SLC38A9: variants seen among roughly 807,000 people sequenced by gnomAD.
SLC38A9 encodes the protein neutral amino acid transporter 9.
A neutral mutation model predicts 62.3 loss-of-function variants in SLC38A9; 48 were observed. The ratio of observed to expected loss-of-function variants is 0.77; its 90% CI spans 0.61 to 0.98. The LOEUF (loss-of-function observed/expected upper bound fraction) is 0.98. SLC38A9 is among the 50% of genes least tolerant of loss of function. SLC38A9 has a pLI of 0.00. For synonymous variants in SLC38A9, 204 were observed against 227.7 expected (o/e 0.90, Z 0.94); for missense variants, 541 against 679.8 (o/e 0.80, Z 2.27).
chr5:55,681,075 A>G (rs1462047256), intron 3 of SLC38A9, among the ~76,000 whole-genome samples: 1 of 152,240 alleles, frequency 6.6e-6, no homozygotes, highest in African/African-American at 2.4e-5. Flanking sequence ...AAGAACTGTC[A>G]CACATTGCTA....
intron 2 of SLC38A9, among the ~76,000 whole-genome samples, chr5:55,710,787 G>C (rs555379710): frequency 1.5e-4 from 23 of 150,830 alleles, no homozygotes; most frequent in African/African-American, 4.6e-4. Flanking sequence ...GGCTAATTTT[G>C]GTATTTTTTT....
At chr5:55,647,200 A>G (rs1489648878) in intron 11 of SLC38A9, among the ~76,000 whole-genome samples, 7 of 141,390 alleles carry the variant, frequency 5.0e-5, no homozygotes, top group Non-Finnish European at 9.3e-5. Flanking sequence ...TTTTTTTGCA[A>G]TTTATTTTAA....
chr5:55,633,617 ACACCAATGATCTATCTTTAGT>A, intron 14 of SLC38A9, 116 bp downstream of exon 14: 5 of 1,155,802 alleles, frequency 4.3e-6, no homozygotes, highest in Non-Finnish European at 6.0e-6. Context: ...AGGGAAGAGG[ACACCAATGATCTATCTTTAGT>A]CACCACTTGC....
At position 55,655,011 on chromosome 5, in the gene SLC38A9, A is replaced by T. The variant is rs994959030; in HGVS notation, c.757+1704T>A. Reference sequence around the variant, plus strand: ...CGCCACTATGGCCAGCTAATTAAAAATTTTTTTTTGTAGAGACAGGGTCTT... The same window carrying T: ...CGCCACTATGGCCAGCTAATTAAAATTTTTTTTTTGTAGAGACAGGGTCTT... On this transcript the variant is annotated intron_variant, in intron 9 of 15. Coordinates refer to ENST00000396865, the MANE Select transcript of SLC38A9 (RefSeq NM_173514.4). Among the ~76,000 whole-genome samples the T allele has an allele frequency of 3.9e-5, 6 of 152,114 alleles. No homozygotes were observed. The East Asian group carries it at 7.7e-4, about 20-fold the overall frequency.
intron 2 of SLC38A9, among the ~76,000 whole-genome samples, chr5:55,699,210 G>A (rs1561441538): frequency 6.6e-6 from 1 of 152,176 alleles, no homozygotes; most frequent in African/African-American, 2.4e-5. Flanking sequence ...AGCCAAGATC[G>A]TGCCACTGCA....
Position 55,656,722 on chromosome 5 carries a change from G to A in SLC38A9, c.750C>T (p.Ser250=), listed in dbSNP as rs763824235. ...DTDTILSTNN[S]NPVICPSAGS... The stretch of plus-strand genomic sequence containing the variant: ...ACATCCCAAACTACTTACCAGGGTT[G>A]CTATTATTGGTACTCAGTATAGTGT... Residue 250 remains serine (S), a synonymous_variant, in exon 9 of 16, where the codon AGC becomes AGT. Coordinates refer to ENST00000396865, the MANE Select transcript of SLC38A9 (RefSeq NM_173514.4). 3.4e-5 allele frequency: 55 copies of A among 1,597,096 alleles called. No individual in the cohort carries two copies. In the South Asian group the frequency reaches 5.7e-4, roughly 16 times the overall value.
intron 3 of SLC38A9, among the ~76,000 whole-genome samples, chr5:55,685,189 T>C (rs375921622): frequency 2.6e-5 from 4 of 152,230 alleles, no homozygotes; most frequent in African/African-American, 7.2e-5. Context: ...AATTCACAGA[T>C]TGATGACTGT....
At chr5:55,681,539 C>T (rs991062331) in intron 3 of SLC38A9, among the ~76,000 whole-genome samples, 10 of 152,164 alleles carry the variant, frequency 6.6e-5, no homozygotes, top group African/African-American at 2.4e-4. Flanking sequence ...CAAAGGACTG[C>T]AGGTTTGCTT....
At position 55,669,508 on chromosome 5, in the gene SLC38A9, T is replaced by C. The variant is rs202124897; in HGVS notation, c.432+49A>G. On this transcript the variant is annotated intron_variant, in intron 6 of 15. Coordinates refer to ENST00000396865, the MANE Select transcript of SLC38A9 (RefSeq NM_173514.4). ...AACCTCTGTTATAAAACTTACAATA[T>C]AAAGAGAAAAACATTTAGGCAAAAA... The C allele has an allele frequency of 8.0e-6, 12 of 1,504,388 alleles. No homozygotes were observed. The African/African-American group carries it at 1.5e-4, about 19-fold the overall frequency. The allele number at this position is 1,504,388 out of a possible 1,614,324, so 93.2% of individuals were successfully genotyped here.
chr5:55,643,860 T>C (rs1164032996), intron 12 of SLC38A9, among the ~76,000 whole-genome samples: 1 of 152,258 alleles, frequency 6.6e-6, no homozygotes, highest in South Asian at 2.1e-4. Flanking sequence ...AGCTTTCTTA[T>C]GTTTAATATT....
intron 2 of SLC38A9, among the ~76,000 whole-genome samples, chr5:55,711,168 C>T (rs1241865833): frequency 1.3e-5 from 2 of 151,642 alleles, no homozygotes; most frequent in Non-Finnish European, 1.5e-5. Context: ...TGGCGGGCAG[C>T]TGTAATCCTA....
chr5:55,693,134 G>T, intron 3 of SLC38A9: 1 of 365,184 alleles, frequency 2.7e-6, no homozygotes, highest in Non-Finnish European at 3.8e-6. Context: ...TTAATTGTTG[G>T]GTGTCTACCT....
chr5:55,626,322 C>G lies in SLC38A9; in HGVS notation c.*172G>C, dbSNP rs1484659054. The G allele has an allele frequency of 8.9e-6, 5 of 559,392 alleles. No homozygotes were observed. Among genetic ancestry groups the G allele is most frequent in the African/African-American group, 1.9e-5 (1 of 53,068 alleles). The allele number at this position is 559,392 out of a possible 1,614,324, so 34.7% of individuals were successfully genotyped here. A position where few individuals can be genotyped will look rare whatever the true frequency, so the allele number is the denominator to read the frequency against. On this transcript the variant is annotated 3_prime_UTR_variant, in exon 16 of 16. Transcript: ENST00000396865. Reference sequence around the variant, plus strand: ...TAAGATCATTCTTTTTGCCCCTTTCCCCACCCCAATAAAAAAATACTCATT... The same window carrying G: ...TAAGATCATTCTTTTTGCCCCTTTCGCCACCCCAATAAAAAAATACTCATT...
At chr5:55,704,823 T>A (rs995475358) in intron 2 of SLC38A9, among the ~76,000 whole-genome samples, 1 of 152,214 alleles carries the variant, frequency 6.6e-6, no homozygotes. Flanking sequence ...TGGATGTGAA[T>A]CTTGGTTCTG....
At chr5:55,628,522 A>C (rs1288825696) in intron 14 of SLC38A9, among the ~76,000 whole-genome samples, 1 of 152,228 alleles carries the variant, frequency 6.6e-6, no homozygotes, top group Non-Finnish European at 1.5e-5. Context: ...TACACTGAGA[A>C]GGCAGTAGTG....
intron 12 of SLC38A9, among the ~76,000 whole-genome samples, chr5:55,639,085 A>C (rs530580137): frequency 3.2e-4 from 49 of 152,132 alleles, no homozygotes; most frequent in African/African-American, 1.2e-3. Context: ...TGGGAGGCCG[A>C]GGCGGGCGGA....
intron 2 of SLC38A9, among the ~76,000 whole-genome samples, chr5:55,706,713 C>T (rs78163044): frequency 4.6e-4 from 70 of 152,264 alleles, no homozygotes; most frequent in Admixed American, 1.6e-3. Context: ...ATATGAAGAA[C>T]TGTAAGAAAA....
intron 11 of SLC38A9, among the ~76,000 whole-genome samples, chr5:55,646,705 T>C (rs999946579): frequency 4.6e-5 from 7 of 152,192 alleles, no homozygotes; most frequent in Non-Finnish European, 7.3e-5. Flanking sequence ...GCAGTTTCTT[T>C]TTTTCCCTAT....
At position 55,649,987 on chromosome 5, in the gene SLC38A9, T is replaced by C. The variant is rs78688802; in HGVS notation, c.953-673A>G. The stretch of plus-strand genomic sequence containing the variant: ...TTACATAGGATTGAAAAAAACAACA[T>C]GAAACTTACTTTTATTCTTTGAATT... On this transcript the variant is annotated intron_variant, in intron 10 of 15. Coordinates refer to ENST00000396865, the MANE Select transcript of SLC38A9 (RefSeq NM_173514.4). Among the ~76,000 whole-genome samples, 420 of 152,118 alleles carry C rather than the reference T, an allele frequency of 2.8e-3. 4 individuals carry two copies. The highest frequency in any genetic ancestry group is 9.2e-3 in the African/African-American group (383 of 41,500).
Sources: gnomAD v4.1 joint callset for allele counts (sites outside exome capture counted in the v4.1 genomes callset) on GRCh38, gnomAD v4.1.1 for gene constraint, MANE v1.5 for transcripts, NCBI Gene and HGNC (gene_info 2026-07-23, HGNC 2026-07-21) for gene names.